MAP3K15: variants seen among roughly 807,000 people sequenced by gnomAD.
The protein encoded by MAP3K15 is mitogen-activated protein kinase kinase kinase 15, also known as MAPK/ERK kinase kinase 15.
A neutral mutation model predicts 99.5 loss-of-function variants in MAP3K15; 124 were observed. The observed-to-expected ratio is 1.25, with a 90% CI of 1.08 to 1.45. The LOEUF (loss-of-function observed/expected upper bound fraction) is 1.45, where lower values mean the gene tolerates loss of function less well. MAP3K15 is among the 40% of genes most tolerant of loss of function. The pLI, the probability that MAP3K15 is intolerant of heterozygous loss-of-function variation, is 0.00. For missense variants in MAP3K15, 1,242 were observed against 1,079.7 expected, an observed-to-expected ratio of 1.15 and a Z score of -2.11; for synonymous variants, 494 against 439.6, an observed-to-expected ratio of 1.12 and a Z score of -1.55.
At chrX:19,404,612 T>C (rs951852243) in intron 13 of MAP3K15, among the ~76,000 whole-genome samples, 1 of 111,983 alleles carries the variant, frequency 8.9e-6, no homozygotes, top group Non-Finnish European at 1.9e-5. Context: ...ACTACAAAGC[T>C]ACAGTAATAG....
intron 1 of MAP3K15, 75 bp downstream of exon 1, chrX:19,514,826 G>GGGGGC: frequency 4.5e-6 from 2 of 442,749 alleles, no homozygotes; most frequent in Non-Finnish European, 6.6e-6. Context: ...AGAAGGGCGA[G>GGGGGC]GGGGCGGGGC....
In MAP3K15 at chrX:19,362,230, CTTT is replaced by C. The variant is rs1159241316; in HGVS notation, c.3679+505_3679+507del. Reference sequence around the variant, plus strand: ...AATCATGGTATGTGGCCTTTTGAATCTTTTTTTTTTTTTTTTTTTTTGAGACAG... The same window carrying C: ...AATCATGGTATGTGGCCTTTTGAATCTTTTTTTTTTTTTTTTTTGAGACAG... On this transcript the variant is annotated intron_variant, in intron 26 of 28. Coordinates refer to ENST00000338883, the MANE Select transcript of MAP3K15 (RefSeq NM_001001671.4). 4.5e-3 allele frequency among the ~76,000 whole-genome samples: 339 copies of C among 75,648 alleles called. 3 individuals carry two copies. Among genetic ancestry groups the C allele is most frequent in the Middle Eastern group, 7.3e-3 (1 of 137 alleles). 65.7% of individuals were successfully genotyped at this position (75,648 alleles called of 115,157 possible). A position where few individuals can be genotyped will look rare whatever the true frequency, so the allele number is the denominator to read the frequency against.
At chrX:19,510,162 A>G (rs1208802701) in intron 1 of MAP3K15, among the ~76,000 whole-genome samples, 1 of 112,234 alleles carries the variant, frequency 8.9e-6, no homozygotes, top group Non-Finnish European at 1.9e-5. Flanking sequence ...AGGTACAAAG[A>G]GGAGCTGGTA....
chrX:19,489,120 T>C (rs1569241463), intron 1 of MAP3K15, among the ~76,000 whole-genome samples, 153 bp from the exon 2 acceptor site: 1 of 111,778 alleles, frequency 8.9e-6, no homozygotes, highest in South Asian at 3.8e-4. Context: ...AATTACCCTA[T>C]GAACTGTGGA....
In MAP3K15 at chrX:19,372,726, C is replaced by T. The variant is rs1367846847; in HGVS notation, c.3035G>A (p.Arg1012His). The change falls in exon 22 of 29, where the codon CGT becomes CAT. Residue 1012 changes from arginine (R) to histidine (H), a missense_variant. Arg to His is a conservative substitution (Grantham distance 29, BLOSUM62 0). Coordinates refer to ENST00000338883, the MANE Select transcript of MAP3K15 (RefSeq NM_001001671.4). ...CCAGAGGATTTTGTACAGGATGGCA[C>T]GGCGCTCACTGTCCTTGCGTAGCAG... The part of the protein sequence containing the change: ...LFLLRKDSER[R>H]AILYKILWEE... The T allele has an allele frequency of 1.6e-5, 19 of 1,209,861 alleles. No individual in the cohort carries two copies. The highest frequency in any genetic ancestry group is 8.9e-5 in the East Asian group (3 of 33,725).
Position 19,427,851 on chromosome X carries a change from T to C in MAP3K15, c.1167-1508A>G, listed in dbSNP as rs760362123. 5.4e-5 allele frequency among the ~76,000 whole-genome samples: 6 copies of C among 111,524 alleles called. No homozygotes were observed. The East Asian group carries it at 1.7e-3, about 31-fold the overall frequency. The stretch of plus-strand genomic sequence containing the variant: ...ATATGGCATTATCAATTCTGAGGCA[T>C]AATACAAATACCCTCAGATCAGAGG... On this transcript the variant is annotated intron_variant, in intron 7 of 28. Transcript: ENST00000338883.
chrX:19,425,054 C>T (rs972754788), intron 9 of MAP3K15, among the ~76,000 whole-genome samples: 1 of 111,421 alleles, frequency 9.0e-6, no homozygotes, highest in Non-Finnish European at 1.9e-5. Context: ...CAACAAACCA[C>T]GAACACACTT....
At chrX:19,502,163 G>T (rs750173555) in intron 1 of MAP3K15, among the ~76,000 whole-genome samples, 7 of 109,074 alleles carry the variant, frequency 6.4e-5, no homozygotes, top group Admixed American at 5.0e-4. Flanking sequence ...GTCCATGCAG[G>T]CTCCCTTGAA....
chrX:19,385,820 A>C (rs1404350678), intron 18 of MAP3K15, among the ~76,000 whole-genome samples: 1 of 111,462 alleles, frequency 9.0e-6, no homozygotes, highest in East Asian at 2.8e-4. Context: ...TGGAAAAAAA[A>C]AGCTGCCTGA....
intron 1 of MAP3K15, among the ~76,000 whole-genome samples, chrX:19,492,198 A>G (rs2064372792): frequency 9.1e-6 from 1 of 109,541 alleles, no homozygotes; most frequent in East Asian, 2.9e-4. Context: ...TGAAATCTCC[A>G]TACCTCCCAC....
rs34585343 is a variant in MAP3K15 at position 19,453,049 on chromosome X, G to C, written c.995+3864C>G. Among the ~76,000 whole-genome samples the C allele has an allele frequency of 3.9e-3, 430 of 111,011 alleles. 3 individuals are homozygous for C. The highest frequency in any genetic ancestry group is 0.013 in the African/African-American group (382 of 30,554). On this transcript the variant is annotated intron_variant, in intron 6 of 28. Coordinates refer to ENST00000338883, the MANE Select transcript of MAP3K15 (RefSeq NM_001001671.4). ...CTAGGGACTGGGGAAGGGAGCAACG[G>C]GCAGCTGTTTAATGAATGTGTGCAT...
At chrX:19,459,882 C>T in intron 5 of MAP3K15, 103 bp downstream of exon 5, 3 of 616,138 alleles carry the variant, frequency 4.9e-6, no homozygotes, top group Non-Finnish European at 6.9e-6. Flanking sequence ...GAACAAAACC[C>T]AGCCACTTCA....
At chrX:19,416,547 G>C (rs2063736871) in intron 9 of MAP3K15, among the ~76,000 whole-genome samples, 2 of 111,579 alleles carry the variant, frequency 1.8e-5, no homozygotes, top group Non-Finnish European at 3.8e-5. Flanking sequence ...ATGCTCCCAA[G>C]AAGCCGAGAA....
rs1022996135 is a variant in MAP3K15 at position 19,419,564 on chromosome X, A to G, written c.1440-4307T>C. ...CAAGTCCTTAGAGACCTACAAAGAG[A>G]CTTAGACTCCCACACAATAATAATG... is the stretch of plus-strand genomic sequence containing the variant. On this transcript the variant is annotated intron_variant, in intron 9 of 28. Coordinates refer to ENST00000338883, the MANE Select transcript of MAP3K15 (RefSeq NM_001001671.4). 5.4e-5 allele frequency among the ~76,000 whole-genome samples: 6 copies of G among 111,033 alleles called. No homozygotes were observed. In the Admixed American group the frequency reaches 5.8e-4, roughly 11 times the overall value.
At chrX:19,495,130 G>A (rs2064392099) in intron 1 of MAP3K15, among the ~76,000 whole-genome samples, 1 of 111,704 alleles carries the variant, frequency 9.0e-6, no homozygotes, top group Non-Finnish European at 1.9e-5. Flanking sequence ...TCCTGCCTCA[G>A]CCTCCTGAGT....
chrX:19,457,789 C>T (rs930045044), intron 5 of MAP3K15, among the ~76,000 whole-genome samples: 9 of 111,491 alleles, frequency 8.1e-5, no homozygotes, highest in Non-Finnish European at 1.7e-4. Context: ...GGACTAGTGA[C>T]GTTTCTGGAC....
At chrX:19,452,324 A>G (rs1371473525) in intron 6 of MAP3K15, among the ~76,000 whole-genome samples, 1 of 8,618 alleles carries the variant, frequency 1.2e-4, no homozygotes, top group Non-Finnish European at 1.5e-4. Flanking sequence ...AGAAGAGAAG[A>G]GAAGAGAAGA....
At chrX:19,393,341 G>A (rs1275628756) in intron 16 of MAP3K15, among the ~76,000 whole-genome samples, 2 of 111,944 alleles carry the variant, frequency 1.8e-5, no homozygotes, top group African/African-American at 3.2e-5. Flanking sequence ...CTAACGTGAA[G>A]AGTAAGGGGC....
chrX:19,445,957 T>TC (rs2063995116), intron 6 of MAP3K15, among the ~76,000 whole-genome samples: 3 of 105,269 alleles, frequency 2.8e-5, no homozygotes, highest in African/African-American at 1.0e-4. Context: ...CAAAAATCAA[T>TC]AAATAAATAA....
Sources: gnomAD v4.1 joint callset for allele counts (sites outside exome capture counted in the v4.1 genomes callset) on GRCh38, gnomAD v4.1.1 for gene constraint, MANE v1.5 for transcripts, NCBI Gene and HGNC (gene_info 2026-07-23, HGNC 2026-07-21) for gene names.